The following ABCA9 variants were observed in gnomAD, a reference collection of about 807,000 sequenced individuals.
The protein encoded by ABCA9 is ATP-binding cassette sub-family A member 9.
ABCA9 carries 183 observed loss-of-function variants against 205.3 expected under a neutral mutation model. The observed-to-expected ratio is 0.89, with a 90% CI of 0.79 to 1.01. The LOEUF is 1.01. ABCA9 is among the 50% of genes least tolerant of loss of function. ABCA9 has a pLI of 0.00. For missense variants in ABCA9, 1,805 were observed against 1,912.4 expected (o/e 0.94, Z 1.05); for synonymous variants, 651 against 683.3 (o/e 0.95, Z 0.74).
At chr17:68,977,626 T>A (rs1302125320) in intron 37 of ABCA9, among the ~76,000 whole-genome samples, 2 of 152,154 alleles carry the variant, frequency 1.3e-5, no homozygotes, top group Middle Eastern at 3.4e-3. Context: ...CCAGCAGAGA[T>A]TGGTGGTAGG....
intron 16 of ABCA9, 84 bp from the exon 17 acceptor site, chr17:69,024,437 CTT>C (rs2070917809): frequency 1.5e-6 from 2 of 1,306,430 alleles, no homozygotes; most frequent in Non-Finnish European, 2.0e-6. Context: ...GTGCTTGTCA[CTT>C]TATTAATATT....
chr17:68,995,038 T>G (rs979604516), intron 26 of ABCA9, among the ~76,000 whole-genome samples: 2 of 152,242 alleles, frequency 1.3e-5, no homozygotes, highest in African/African-American at 2.4e-5. Context: ...TCACTCTTAC[T>G]GTGCTTTTGC....
At chr17:69,011,710 A>G (rs910538708) in intron 23 of ABCA9, 15 of 328,822 alleles carry the variant, frequency 4.6e-5, no homozygotes, top group South Asian at 6.9e-5. Context: ...AGTAAGTCTT[A>G]TAAGTCAAAT....
At chr17:69,052,306 T>C (rs1375140226) in intron 1 of ABCA9, among the ~76,000 whole-genome samples, 1 of 152,064 alleles carries the variant, frequency 6.6e-6, no homozygotes, top group East Asian at 1.9e-4. Context: ...CCCAACAAGA[T>C]TGAGGCTGCA....
chr17:69,026,453 T>C lies in ABCA9; in HGVS notation c.2065A>G (p.Ile689Val). Residue 689 changes from isoleucine to valine, a missense_variant, in exon 16 of 39, where the codon ATA becomes GTA. Coordinates refer to ENST00000340001, the MANE Select transcript of ABCA9 (RefSeq NM_080283.4). ...ADILADRKVFISNGKLKCAGS... is the reference protein window; with the variant it reads ...ADILADRKVFVSNGKLKCAGS... ...GCACACTTCAGCTTCCCATTGGATA[T>C]GAACACCTTCCTGTCTAGTTAGAAA... 1 of 1,613,444 alleles carries C rather than the reference T, an allele frequency of 6.2e-7. No individual in the cohort carries two copies.
chr17:69,077,722 C>A, the ABCA9 span, among the ~76,000 whole-genome samples: 6 of 151,978 alleles, frequency 3.9e-5, no homozygotes, highest in Admixed American at 3.3e-4. Context: ...ATAGTTAACT[C>A]CTCTTGTTGA....
chr17:69,035,273 G>C lies in ABCA9; in HGVS notation c.1101C>G (p.Pro367=), dbSNP rs373171475. 1.3e-6 allele frequency: 2 copies of C among 1,594,136 alleles called. No individual in the cohort carries two copies. The highest frequency in any genetic ancestry group is 1.2e-5 in the South Asian group (1 of 86,934). ...GGGCCATCCCAACAGTGAAGGCAAAGGGGCTAAGAAGACACAAAGTCCATT... is the reference window on the plus strand; with the variant it reads ...GGGCCATCCCAACAGTGAAGGCAAACGGGCTAAGAAGACACAAAGTCCATT... ...FLEWTLCLLS[P]FAFTVGMAQL... is the part of the protein sequence containing the mutation. Residue 367 remains proline (P), a synonymous_variant, in exon 8 of 39, where the codon CCC becomes CCG. Transcript: ENST00000340001.
Position 68,989,018 on chromosome 17 carries a change from T to G in ABCA9, c.4047+9A>C. The G allele has an allele frequency of 6.3e-7, 1 of 1,579,522 alleles. No individual in the cohort carries two copies. The highest frequency in any genetic ancestry group is 8.7e-7 in the Non-Finnish European group (1 of 1,149,442). On this transcript the variant is annotated intron_variant, in intron 31 of 38. Transcript: ENST00000340001. ...CACTAATGACCATATTCCTGTACGTTTTACTGACCTGTCCTGCAGTTGGTT... is the reference window on the plus strand; with the variant it reads ...CACTAATGACCATATTCCTGTACGTGTTACTGACCTGTCCTGCAGTTGGTT...
At chr17:69,051,242 G>T in intron 1 of ABCA9, 103 bp from the exon 2 acceptor site, 1 of 988,494 alleles carries the variant, frequency 1.0e-6, no homozygotes, top group Non-Finnish European at 1.4e-6. Flanking sequence ...GTTTCCAGTT[G>T]CATTCCTGGA....
chr17:69,058,993 T>G lies in ABCA9; in HGVS notation c.-14+1873A>C, dbSNP rs375526932. On this transcript the variant is annotated intron_variant, in intron 1 of 38. Transcript: ENST00000340001. ...TTATATGGTGCCAGGCAAGAGAGCT[T>G]GGGTAGGGGAATTCCCCTTTATAAA... Among the ~76,000 whole-genome samples the G allele has an allele frequency of 6.6e-5, 10 of 152,070 alleles. No homozygotes were observed. In the East Asian group the frequency reaches 1.7e-3, roughly 27 times the overall value.
Position 69,049,487 on chromosome 17 carries a change from A to G in ABCA9, c.100T>C (p.Trp34Arg). Residue 34 changes from tryptophan (W) to arginine (R), a missense_variant, in exon 3 of 39, where the codon TGG becomes CGG. Physicochemically the swap from Trp to Arg is moderately radical, Grantham distance 101 (BLOSUM62 -3). Transcript: ENST00000340001. ...WRMKRQTLLE[W>R]LFSFLLVLFL... ...AGTACCAGAAGAAATGAAAAGAGCC[A>G]TTCCTATATAGCAATAAGAGAAAAA... 6.2e-7 allele frequency: 1 copy of G among 1,605,780 alleles called. No individual in the cohort carries two copies. Among genetic ancestry groups the G allele is most frequent in the South Asian group, 1.1e-5 (1 of 90,290 alleles).
upstream of ABCA9, among the ~76,000 whole-genome samples, chr17:69,064,639 T>C (rs1033273055): frequency 6.6e-6 from 1 of 152,116 alleles, no homozygotes; most frequent in African/African-American, 2.4e-5. Context: ...ATGGTAGAGA[T>C]TAAAGGAAAT....
chr17:69,018,405 A>G lies in ABCA9; in HGVS notation c.2767+8T>C, dbSNP rs374636227. 444 of 1,532,446 alleles carry G rather than the reference A, an allele frequency of 2.9e-4. No individual in the cohort carries two copies. The highest frequency in any genetic ancestry group is 3.7e-4 in the Non-Finnish European group (421 of 1,146,120). 94.9% of individuals were successfully genotyped at this position (1,532,446 alleles called of 1,614,324 possible). A position where few individuals can be genotyped will look rare whatever the true frequency, so the allele number is the denominator to read the frequency against. On this transcript the variant is annotated splice_region_variant and intron_variant, in intron 20 of 38. Transcript: ENST00000340001. ...CATTTAACAGCTGCATTTCAGCCCCATGTTCACCTGTCTTATTGATGACCA... is the reference window on the plus strand; with the variant it reads ...CATTTAACAGCTGCATTTCAGCCCCGTGTTCACCTGTCTTATTGATGACCA...
chr17:69,077,959 G>A, the ABCA9 span, among the ~76,000 whole-genome samples: 1 of 151,850 alleles, frequency 6.6e-6, no homozygotes, highest in Non-Finnish European at 1.5e-5. Flanking sequence ...TTATATAAGG[G>A]AGAAATGATT....
At chr17:69,050,190 A>G (rs895604578) in intron 2 of ABCA9, among the ~76,000 whole-genome samples, 14 of 152,096 alleles carry the variant, frequency 9.2e-5, no homozygotes, top group African/African-American at 3.4e-4. Context: ...AAAAGAGCTA[A>G]AAGTTTAAAG....
chr17:68,997,540 C>T (rs2069663055), intron 25 of ABCA9, among the ~76,000 whole-genome samples: 1 of 149,694 alleles, frequency 6.7e-6, no homozygotes, highest in Admixed American at 6.6e-5. Flanking sequence ...TTAATTTTAA[C>T]CCTAAGTGGT....
At chr17:69,039,640 C>T (rs949810440) in intron 6 of ABCA9, among the ~76,000 whole-genome samples, 2 of 152,034 alleles carry the variant, frequency 1.3e-5, no homozygotes, top group Non-Finnish European at 2.9e-5. Flanking sequence ...AAGATATAGC[C>T]ATAGGCAAAG....
intron 25 of ABCA9, among the ~76,000 whole-genome samples, chr17:68,996,562 T>C (rs1033979243): frequency 8.5e-5 from 13 of 152,250 alleles, no homozygotes; most frequent in Non-Finnish European, 1.5e-4. Flanking sequence ...AAAATTTATG[T>C]GCACTTAAAA....
At chr17:69,013,865 A>AG (rs2070478183) in intron 22 of ABCA9, among the ~76,000 whole-genome samples, 11 of 152,280 alleles carry the variant, frequency 7.2e-5, no homozygotes, top group Middle Eastern at 6.8e-3. Context: ...TAGGCTTACA[A>AG]AATTGTAACA....
Sources: allele counts gnomAD v4.1 joint callset (sites outside exome capture counted in the v4.1 genomes callset), GRCh38; gene constraint gnomAD v4.1.1; transcripts MANE v1.5; gene names NCBI Gene and HGNC (gene_info 2026-07-23, HGNC 2026-07-21).